SPIN1: variants seen among roughly 807,000 people sequenced by gnomAD.
The protein encoded by SPIN1 is spindlin 1.
Under a neutral mutation model 26.0 loss-of-function variants are expected in SPIN1, and 3 were observed. The observed-to-expected ratio is 0.12, with a 90% CI of 0.05 to 0.30. SPIN1 has a LOEUF of 0.30. Among genes scored for constraint, SPIN1 ranks in the 10% least tolerant of loss-of-function variants. The pLI is 1.00. For missense variants in SPIN1, 126 were observed against 333.4 expected (o/e 0.38, Z 4.84); for synonymous variants, 101 against 116.5 (o/e 0.87, Z 0.86).
intron 2 of SPIN1, among the ~76,000 whole-genome samples, chr9:88,440,102 A>G (rs1828088406): frequency 1.3e-5 from 2 of 151,510 alleles, no homozygotes; most frequent in African/African-American, 2.4e-5. Context: ...AGCATTTTAT[A>G]TGATTCCACC....
chr9:88,395,065 G>C (rs912303283), intron 1 of SPIN1, among the ~76,000 whole-genome samples: 24 of 151,834 alleles, frequency 1.6e-4, no homozygotes, highest in Middle Eastern at 3.4e-3. Flanking sequence ...GCCTCGGCCT[G>C]CCAAAGTGCT....
intron 2 of SPIN1, among the ~76,000 whole-genome samples, chr9:88,432,364 T>A (rs888337335): frequency 1.3e-5 from 2 of 152,018 alleles, no homozygotes; most frequent in African/African-American, 4.8e-5. Context: ...ATTTTTGTAT[T>A]TTTAGTAGAG....
Position 88,475,058 on chromosome 9 carries a change from T to G in SPIN1, c.590-20T>G. 7.6e-7 allele frequency: 1 copy of G among 1,309,494 alleles called. No individual in the cohort carries two copies. The highest frequency in any genetic ancestry group is 9.8e-7 in the Non-Finnish European group (1 of 1,018,564). The allele number at this position is 1,309,494 out of a possible 1,614,324, so 81.1% of individuals were successfully genotyped here. On this transcript the variant is annotated intron_variant, in intron 5 of 5. Coordinates refer to ENST00000375859, the MANE Select transcript of SPIN1 (RefSeq NM_006717.3). ...TTTTCTCTCTCTCTCTTTTTTTTTT[T>G]TTTTTTTTTTTTAATATAGATGATT... is the stretch of plus-strand genomic sequence containing the variant.
chr9:88,447,239 A>G (rs2118124481), intron 2 of SPIN1, among the ~76,000 whole-genome samples: 1 of 151,830 alleles, frequency 6.6e-6, no homozygotes, highest in African/African-American at 2.4e-5. Flanking sequence ...TTTTCTTTAT[A>G]TTTTCCATTT....
intron 2 of SPIN1, among the ~76,000 whole-genome samples, chr9:88,433,730 G>A (rs1055351728): frequency 6.6e-6 from 1 of 152,130 alleles, no homozygotes; most frequent in African/African-American, 2.4e-5. Context: ...AGACAAGACT[G>A]TCTGTCATAC....
intron 1 of SPIN1, among the ~76,000 whole-genome samples, chr9:88,400,146 A>T (rs892908367): frequency 2.6e-5 from 4 of 152,208 alleles, no homozygotes; most frequent in African/African-American, 7.2e-5. Flanking sequence ...TGTCTTCCTC[A>T]GAATCTGCCC....
chr9:88,432,046 T>G (rs1407464414), intron 2 of SPIN1, among the ~76,000 whole-genome samples: 1 of 152,142 alleles, frequency 6.6e-6, no homozygotes, highest in Non-Finnish European at 1.5e-5. Flanking sequence ...AAAATAGATT[T>G]ATTCTGTAAC....
At chr9:88,457,917 A>G in intron 3 of SPIN1, 1 of 985,192 alleles carries the variant, frequency 1.0e-6, no homozygotes, top group Non-Finnish European at 1.2e-6. Context: ...GAAAATACCA[A>G]TTTGTAACAA....
intron 3 of SPIN1, among the ~76,000 whole-genome samples, chr9:88,460,916 T>G (rs954894752): frequency 3.3e-5 from 5 of 152,242 alleles, no homozygotes; most frequent in African/African-American, 1.2e-4. Flanking sequence ...TTCTGTCATT[T>G]GCTCAGTGTT....
chr9:88,406,195 A>G (rs964257374), intron 1 of SPIN1, among the ~76,000 whole-genome samples: 3 of 151,514 alleles, frequency 2.0e-5, no homozygotes, highest in Admixed American at 6.6e-5. Context: ...TGGGACTACC[A>G]TTGTATATGT....
intron 1 of SPIN1, among the ~76,000 whole-genome samples, chr9:88,405,469 C>T (rs1337003214): frequency 2.0e-5 from 3 of 151,608 alleles, no homozygotes; most frequent in African/African-American, 4.9e-5. Flanking sequence ...CCTCGTGATC[C>T]GCCCACCTCG....
intron 1 of SPIN1, among the ~76,000 whole-genome samples, chr9:88,412,947 G>C (rs1263271779): frequency 2.6e-5 from 4 of 151,972 alleles, no homozygotes; most frequent in Non-Finnish European, 5.9e-5. Context: ...CTCCCAAAGT[G>C]CTGGGATTAC....
chr9:88,462,757 C>G lies in SPIN1; in HGVS notation c.355+8C>G. On this transcript the variant is annotated splice_region_variant and intron_variant, in intron 4 of 5. Transcript: ENST00000375859. Reference sequence around the variant, plus strand: ...TCCTCCCTGATAGAGTTGGTAAGTTCTTTTTATAATTTGTGCATTATATAC... The same window carrying G: ...TCCTCCCTGATAGAGTTGGTAAGTTGTTTTTATAATTTGTGCATTATATAC... 7 of 1,594,250 alleles carry G rather than the reference C, an allele frequency of 4.4e-6. No individual in the cohort carries two copies. The highest frequency in any genetic ancestry group is 5.1e-6 in the Non-Finnish European group (6 of 1,171,456).
At chr9:88,393,362 T>C (rs181240863) in intron 1 of SPIN1, among the ~76,000 whole-genome samples, 175 of 150,976 alleles carry the variant, frequency 1.2e-3, no homozygotes, top group African/African-American at 3.5e-3. Context: ...ATTTAACAAA[T>C]CATATCATAT....
intron 1 of SPIN1, among the ~76,000 whole-genome samples, chr9:88,396,341 A>G (rs1175028276): frequency 6.6e-6 from 1 of 151,516 alleles, no homozygotes; most frequent in Non-Finnish European, 1.5e-5. Context: ...TCACACCTGT[A>G]CTGTACTCCC....
At chr9:88,472,157 A>C (rs1255272879) in intron 5 of SPIN1, among the ~76,000 whole-genome samples, 1 of 152,108 alleles carries the variant, frequency 6.6e-6, no homozygotes, top group Non-Finnish European at 1.5e-5. Context: ...ATTTCATATA[A>C]ATTTTAGAAT....
intron 5 of SPIN1, among the ~76,000 whole-genome samples, chr9:88,471,801 T>C (rs1281107756): frequency 6.6e-6 from 1 of 152,064 alleles, no homozygotes; most frequent in Non-Finnish European, 1.5e-5. Context: ...TTGTGGTAAA[T>C]TTTGAGATCA....
At chr9:88,444,691 CT>C (rs1226379698) in intron 2 of SPIN1, among the ~76,000 whole-genome samples, 4,358 of 122,966 alleles carry the variant, frequency 0.035, 171 homozygotes, top group African/African-American at 0.12. Context: ...CTTTTCTTTT[CT>C]TTTTTTTTTT....
intron 1 of SPIN1, among the ~76,000 whole-genome samples, chr9:88,396,215 G>A (rs1027574778): frequency 1.5e-4 from 23 of 151,836 alleles, no homozygotes; most frequent in African/African-American, 5.5e-4. Flanking sequence ...CTTCAGCCTG[G>A]GTGACAGAGT....
Sources: allele counts gnomAD v4.1 joint callset (sites outside exome capture counted in the v4.1 genomes callset), GRCh38; gene constraint gnomAD v4.1.1; transcripts MANE v1.5; gene names NCBI Gene and HGNC (gene_info 2026-07-23, HGNC 2026-07-21).